Variants in RELB observed in about 807,000 individuals in gnomAD.
RELB encodes transcription factor RelB.
In RELB, 14 loss-of-function variants were observed where a neutral mutation model predicts 55.4. The observed-to-expected ratio is 0.25, with a 90% CI of 0.17 to 0.40. RELB has a LOEUF of 0.40. Ranked by LOEUF, RELB falls within the 10% of genes least tolerant of loss-of-function variation. The pLI is 1.00. For synonymous variants in RELB, 409 were observed against 371.3 expected, an observed-to-expected ratio of 1.10 and a Z score of -1.17; for missense variants, 669 against 830.7, an observed-to-expected ratio of 0.81 and a Z score of 2.39.
intron 4 of RELB, among the ~76,000 whole-genome samples, chr19:45,017,027 A>T (rs7257048): frequency 6.6e-6 from 1 of 152,166 alleles, no homozygotes; most frequent in African/African-American, 2.4e-5. Flanking sequence ...ACTGTCCAGC[A>T]TAACTGGTCC....
At chr19:45,021,742 T>G in intron 4 of RELB, 4 of 219,050 alleles carry the variant, frequency 1.8e-5, no homozygotes, top group Non-Finnish European at 2.7e-5. Flanking sequence ...GCCGGGCTAA[T>G]TTTTGTATTT....
chr19:45,015,013 C>T (rs908111858), intron 4 of RELB, among the ~76,000 whole-genome samples: 2 of 151,716 alleles, frequency 1.3e-5, no homozygotes, highest in Non-Finnish European at 2.9e-5. Context: ...AGCGATTCTC[C>T]TGTCTTAGCC....
chr19:45,030,580 C>T (rs547151838), intron 8 of RELB, among the ~76,000 whole-genome samples: 1 of 152,018 alleles, frequency 6.6e-6, no homozygotes, highest in East Asian at 1.9e-4. Flanking sequence ...TGCAGTGAGC[C>T]GAGATCATGC....
In RELB at chr19:45,022,075, G is replaced by C; in HGVS notation, c.527G>C (p.Arg176Pro). 1 of 1,612,260 alleles carries C rather than the reference G, an allele frequency of 6.2e-7. No homozygotes were observed. Among genetic ancestry groups the C allele is most frequent in the South Asian group, 1.1e-5 (1 of 90,962 alleles). ...AIELRDCGGL[R>P]EVEVTACLVW... ...CAGCTCCGGGATTGTGGAGGGCTGC[G>C]GGAGGTGGAGGTGACTGCCTGCCTG... The change falls in exon 5 of 12, where the codon CGG becomes CCG. Residue 176 changes from arginine to proline, a missense_variant. By Grantham distance (103) the Arg-to-Pro change is moderately radical. Transcript: ENST00000221452.
chr19:45,025,413 C>A lies in RELB; in HGVS notation c.747C>A (p.Pro249=). The stretch of plus-strand genomic sequence containing the variant: ...GGAAGATTCAACTGGGCATTGACCC[C>A]TACAACGGTGAGCACCCCCTGCCTG... ...IERKIQLGID[P]YNAGSLKNHQ... is the part of the protein sequence containing the mutation. Residue 249 remains proline (P), a synonymous_variant, in exon 6 of 12, where the codon CCC becomes CCA. Coordinates refer to ENST00000221452, the MANE Select transcript of RELB (RefSeq NM_006509.4). 6.2e-7 allele frequency: 1 copy of A among 1,611,236 alleles called. No homozygotes were observed. Among genetic ancestry groups the A allele is most frequent in the Non-Finnish European group, 8.5e-7 (1 of 1,178,712 alleles).
In RELB at chr19:45,037,812, G is replaced by A. The variant is rs747483007; in HGVS notation, c.*22G>A. 6 of 1,476,068 alleles carry A rather than the reference G, an allele frequency of 4.1e-6. No individual in the cohort carries two copies. The East Asian group carries it at 1.5e-4, about 38-fold the overall frequency. The allele number at this position is 1,476,068 out of a possible 1,614,324, so 91.4% of individuals were successfully genotyped here. A position where few individuals can be genotyped will look rare whatever the true frequency, so the allele number is the denominator to read the frequency against. ...GTAGCCCCGCGATGCCAGAGGAGGGGCACTGGGTGGGGAGGGAGGTGGAGG... is the reference window on the plus strand; with the variant it reads ...GTAGCCCCGCGATGCCAGAGGAGGGACACTGGGTGGGGAGGGAGGTGGAGG... On this transcript the variant is annotated 3_prime_UTR_variant, in exon 12 of 12. Transcript: ENST00000221452.
chr19:45,012,787 G>A (rs571836298), intron 4 of RELB, among the ~76,000 whole-genome samples: 1 of 151,900 alleles, frequency 6.6e-6, no homozygotes, highest in Admixed American at 6.6e-5. Context: ...GGTGGCTCAG[G>A]CTTGTAATTC....
chr19:45,021,433 G>A (rs1600074362), intron 4 of RELB, among the ~76,000 whole-genome samples: 1 of 146,684 alleles, frequency 6.8e-6, no homozygotes, highest in South Asian at 2.3e-4. Context: ...ATCCAGCCTG[G>A]GCGACAGAGC....
intron 1 of RELB, among the ~76,000 whole-genome samples, chr19:45,002,651 C>A (rs560740432): frequency 6.6e-6 from 1 of 152,262 alleles, no homozygotes; most frequent in African/African-American, 2.4e-5. Flanking sequence ...TTGTGCCCAG[C>A]GGGATGGGGA....
At chr19:45,017,948 T>C (rs2122436154) in intron 4 of RELB, among the ~76,000 whole-genome samples, 1 of 150,104 alleles carries the variant, frequency 6.7e-6, no homozygotes, top group East Asian at 2.0e-4. Context: ...CCCAGCCCTT[T>C]TGATTAGTTT....
At position 45,022,199 on chromosome 19, in the gene RELB, C is replaced by CCCCCGGCACAGGGG; in HGVS notation, c.662+1_662+2insGGCCCCGGCACAGG. ...GGGTGCGGCTCCGGCCTCACGTCAGCCCCCGGCACAGGTACCCACCCCCTG... is the reference window on the plus strand; with the variant it reads ...GGGTGCGGCTCCGGCCTCACGTCAGCCCCCGGCACAGGGGCCCCGGCACAGGTACCCACCCCCTG... On this transcript the variant is annotated frameshift_variant, in exon 5 of 12. Coordinates refer to ENST00000221452, the MANE Select transcript of RELB (RefSeq NM_006509.4). LOFTEE classifies it high-confidence loss of function. The CCCCCGGCACAGGGG allele has an allele frequency of 1.2e-6, 2 of 1,600,110 alleles. No individual in the cohort carries two copies. The highest frequency in any genetic ancestry group is 1.7e-6 in the Non-Finnish European group (2 of 1,175,556).
chr19:45,015,671 G>T (rs1971412497), intron 4 of RELB, among the ~76,000 whole-genome samples: 3 of 151,580 alleles, frequency 2.0e-5, no homozygotes, highest in Admixed American at 2.0e-4. Context: ...GGAAGTGGAG[G>T]CTGCAGTGAG....
chr19:45,033,847 C>G lies in RELB; in HGVS notation c.1208-397C>G, dbSNP rs553096324. ...AGTGAGCCACCACGCCCAGCCAAGA[C>G]TCCATCTTTAAAAAAAAAAAAAATA... On this transcript the variant is annotated intron_variant, in intron 9 of 11. Coordinates refer to ENST00000221452, the MANE Select transcript of RELB (RefSeq NM_006509.4). Among the ~76,000 whole-genome samples, 351 of 150,416 alleles carry G rather than the reference C, an allele frequency of 2.3e-3. 1 individual carries two copies. Among genetic ancestry groups the G allele is most frequent in the African/African-American group, 8.4e-3 (344 of 40,838 alleles).
At chr19:45,001,803 G>A in intron 1 of RELB, 118 bp downstream of exon 1, 1 of 589,830 alleles carries the variant, frequency 1.7e-6, no homozygotes, top group Admixed American at 3.5e-5. Flanking sequence ...CGCGGGGGCA[G>A]AGTGAGGGTT....
chr19:45,023,013 G>A (rs889227041), intron 5 of RELB, among the ~76,000 whole-genome samples: 2 of 152,176 alleles, frequency 1.3e-5, no homozygotes, highest in Non-Finnish European at 2.9e-5. Context: ...CTGACTTTGG[G>A]TAGAGCCCTA....
At chr19:45,019,752 A>C (rs1971460782) in intron 4 of RELB, among the ~76,000 whole-genome samples, 5 of 151,990 alleles carry the variant, frequency 3.3e-5, no homozygotes, top group Admixed American at 2.6e-4. Flanking sequence ...ATCTGGGCCC[A>C]CCGCAACCTC....
chr19:45,012,671 A>G (rs1971376731), intron 4 of RELB, among the ~76,000 whole-genome samples: 1 of 151,104 alleles, frequency 6.6e-6, no homozygotes, highest in South Asian at 2.1e-4. Flanking sequence ...AGGGAGGTGC[A>G]GGCTGCTGTG....
intron 4 of RELB, among the ~76,000 whole-genome samples, chr19:45,017,507 T>C (rs988025427): frequency 3.3e-5 from 5 of 150,544 alleles, no homozygotes; most frequent in Non-Finnish European, 7.4e-5. Flanking sequence ...ATAATTTTAA[T>C]TGTGGGCTCC....
intron 5 of RELB, among the ~76,000 whole-genome samples, chr19:45,023,632 G>A (rs951885614): frequency 3.3e-5 from 5 of 150,026 alleles, no homozygotes; most frequent in African/African-American, 1.2e-4. Flanking sequence ...TACAGACGGG[G>A]TTTCGCCGTG....
Sources: allele counts gnomAD v4.1 joint callset (sites outside exome capture counted in the v4.1 genomes callset), GRCh38; gene constraint gnomAD v4.1.1; transcripts MANE v1.5; gene names NCBI Gene and HGNC (gene_info 2026-07-23, HGNC 2026-07-21).